The following ABCG2 variants were observed in gnomAD, a reference collection of about 807,000 sequenced individuals.
The protein encoded by ABCG2 is broad substrate specificity ATP-binding cassette transporter ABCG2.
In ABCG2, 80 loss-of-function variants were observed where a neutral mutation model predicts 73.5. The ratio of observed to expected loss-of-function variants is 1.09; its 90% CI spans 0.91 to 1.31. ABCG2 has a LOEUF of 1.31. Ranked by LOEUF, ABCG2 falls within the 50% of genes most tolerant of loss-of-function variation. The pLI is 0.00. For synonymous variants in ABCG2, 269 were observed against 282.4 expected (o/e 0.95, Z 0.48); for missense variants, 796 against 786.2 (o/e 1.01, Z -0.15).
intron 1 of ABCG2, among the ~76,000 whole-genome samples, chr4:88,170,984 C>A (rs1014686792): frequency 1.3e-5 from 2 of 152,128 alleles, no homozygotes; most frequent in East Asian, 3.9e-4. Flanking sequence ...CGGATGGAGC[C>A]GGAGACTATT....
At chr4:88,172,295 A>AC (rs36052279) in intron 1 of ABCG2, among the ~76,000 whole-genome samples, 4 of 27,438 alleles carry the variant, frequency 1.5e-4, no homozygotes, top group African/African-American at 4.1e-4. Flanking sequence ...GCTCCGTCAC[A>AC]AAAAAAAAAA....
chr4:88,193,743 A>T (rs750504662), intron 1 of ABCG2, among the ~76,000 whole-genome samples: 71 of 151,966 alleles, frequency 4.7e-4, no homozygotes, highest in Non-Finnish European at 7.2e-4. Context: ...TGAATTTTTT[A>T]TTTTATTTTA....
At chr4:88,135,188 C>T (rs1020754009) in intron 2 of ABCG2, among the ~76,000 whole-genome samples, 4 of 152,168 alleles carry the variant, frequency 2.6e-5, no homozygotes, top group Non-Finnish European at 4.4e-5. Flanking sequence ...CCTGCCCACC[C>T]CACCCTCCAC....
intron 1 of ABCG2, among the ~76,000 whole-genome samples, chr4:88,184,244 C>A (rs886663419): frequency 1.3e-5 from 2 of 152,118 alleles, no homozygotes; most frequent in East Asian, 3.9e-4. Flanking sequence ...AAAGGGCATC[C>A]AAACTGAAAA....
intron 5 of ABCG2, among the ~76,000 whole-genome samples, chr4:88,123,005 A>G (rs1052713260): frequency 2.6e-5 from 4 of 152,198 alleles, no homozygotes; most frequent in African/African-American, 9.6e-5. Flanking sequence ...TTGCTGTTCT[A>G]TAGCCTCTGC....
intron 1 of ABCG2, among the ~76,000 whole-genome samples, chr4:88,140,738 T>C (rs995141157): frequency 6.6e-6 from 1 of 152,198 alleles, no homozygotes; most frequent in Non-Finnish European, 1.5e-5. Context: ...TCTCTGAATT[T>C]ATAGCTCCAG....
chr4:88,162,754 T>C (rs918092729), upstream of ABCG2, among the ~76,000 whole-genome samples: 1 of 152,216 alleles, frequency 6.6e-6, no homozygotes, highest in African/African-American at 2.4e-5. Context: ...TAGATGACTT[T>C]CCTCATTTTA....
At chr4:88,214,097 C>G (rs1482297694) in intron 1 of ABCG2, among the ~76,000 whole-genome samples, 3 of 149,524 alleles carry the variant, frequency 2.0e-5, no homozygotes, top group Non-Finnish European at 4.4e-5. Flanking sequence ...AAGTGGTCCT[C>G]CTACCTCAGC....
chr4:88,108,714 G>A (rs34472643), intron 9 of ABCG2, among the ~76,000 whole-genome samples: 43,087 of 152,046 alleles, frequency 0.28, 7,480 homozygotes, highest in Non-Finnish European at 0.37. Context: ...GAAGCAAACC[G>A]AACTGCAAAA....
chr4:88,123,210 T>C (rs374839750), intron 5 of ABCG2, among the ~76,000 whole-genome samples: 18 of 152,128 alleles, frequency 1.2e-4, no homozygotes, highest in East Asian at 1.2e-3. Flanking sequence ...GATAAATCTA[T>C]GAAGATGAGG....
At chr4:88,095,415 G>T in intron 14 of ABCG2, 105 bp downstream of exon 14, 1 of 1,016,690 alleles carries the variant, frequency 9.8e-7, no homozygotes, top group Non-Finnish European at 1.5e-6. Flanking sequence ...GTTTCTGGAT[G>T]GGAGACTTTC....
chr4:88,193,185 T>C (rs1001840985), intron 1 of ABCG2, among the ~76,000 whole-genome samples: 1 of 152,170 alleles, frequency 6.6e-6, no homozygotes, highest in African/African-American at 2.4e-5. Flanking sequence ...TGTTAACTTG[T>C]GCTATTTTTA....
chr4:88,128,813 C>T (rs966620888), intron 5 of ABCG2, among the ~76,000 whole-genome samples: 17 of 152,060 alleles, frequency 1.1e-4, no homozygotes, highest in African/African-American at 2.7e-4. Context: ...GGAGAAATAC[C>T]GAATGTAGAT....
upstream of ABCG2, chr4:88,159,081 G>C (rs1036591290): frequency 2.0e-5 from 9 of 455,078 alleles, no homozygotes; most frequent in Non-Finnish European, 3.5e-5. Context: ...CCTCCCTCGG[G>C]GCTAGGGTCA....
chr4:88,113,175 T>C lies in ABCG2; in HGVS notation c.1194+128A>G, dbSNP rs1723257618. On this transcript the variant is annotated intron_variant, in intron 9 of 15. Coordinates refer to ENST00000237612, the MANE Select transcript of ABCG2 (RefSeq NM_004827.3). Reference sequence around the variant, plus strand: ...CTTTATTTGTTCTGCTGACTGGTTCTATATCCCAGGTGGAGTGAAGATAAC... The same window carrying C: ...CTTTATTTGTTCTGCTGACTGGTTCCATATCCCAGGTGGAGTGAAGATAAC... The C allele has an allele frequency of 1.1e-5, 14 of 1,274,102 alleles. No homozygotes were observed. The South Asian group carries it at 1.6e-4, about 15-fold the overall frequency. 78.9% of individuals were successfully genotyped at this position (1,274,102 alleles called of 1,614,324 possible).
At chr4:88,108,360 A>G (rs1722897446) in intron 9 of ABCG2, among the ~76,000 whole-genome samples, 1 of 26,150 alleles carries the variant, frequency 3.8e-5, no homozygotes, top group Admixed American at 8.1e-4. Context: ...CGTCTCTACT[A>G]AAAAAAAACA....
chr4:88,168,170 T>C (rs1264727802), intron 1 of ABCG2, among the ~76,000 whole-genome samples: 1 of 151,950 alleles, frequency 6.6e-6, no homozygotes, highest in Non-Finnish European at 1.5e-5. Flanking sequence ...AAGAGACCAA[T>C]TAAGAAGTAA....
intron 1 of ABCG2, among the ~76,000 whole-genome samples, chr4:88,208,933 C>T (rs769612564): frequency 3.9e-4 from 59 of 151,946 alleles, no homozygotes; most frequent in Non-Finnish European, 7.8e-4. Flanking sequence ...ACCTGGGAGG[C>T]GGAGGTTACA....
intron 1 of ABCG2, among the ~76,000 whole-genome samples, chr4:88,155,974 A>C (rs1726910364): frequency 6.6e-6 from 1 of 152,198 alleles, no homozygotes; most frequent in South Asian, 2.1e-4. Flanking sequence ...TTCTAAAGCA[A>C]AATAATCACA....
Sources: gnomAD v4.1 joint callset for allele counts (sites outside exome capture counted in the v4.1 genomes callset) on GRCh38, gnomAD v4.1.1 for gene constraint, MANE v1.5 for transcripts, NCBI Gene and HGNC (gene_info 2026-07-23, HGNC 2026-07-21) for gene names.